KLHL1: variants seen among roughly 807,000 people sequenced by gnomAD.
KLHL1 encodes kelch like family member 1, also known as kelch-like protein 1.
Under a neutral mutation model 77.7 loss-of-function variants are expected in KLHL1, and 47 were observed. The observed-to-expected ratio is 0.60, with a 90% CI of 0.48 to 0.77. KLHL1 has a LOEUF of 0.77. KLHL1 is among the 30% of genes least tolerant of loss of function. KLHL1 has a pLI of 0.00. For synonymous variants in KLHL1, 360 were observed against 325.2 expected (o/e 1.11, Z -1.15); for missense variants, 925 against 910.8 (o/e 1.02, Z -0.20).
chr13:70,018,255 C>G (rs1426373616), intron 1 of KLHL1, among the ~76,000 whole-genome samples: 1 of 152,008 alleles, frequency 6.6e-6, no homozygotes, highest in Admixed American at 6.6e-5. Flanking sequence ...TTATTACTAT[C>G]CTAAAGTTAT....
At chr13:69,741,502 T>C (rs1358940277) in intron 7 of KLHL1, among the ~76,000 whole-genome samples, 1 of 152,134 alleles carries the variant, frequency 6.6e-6, no homozygotes, top group African/African-American at 2.4e-5. Flanking sequence ...AAATACAGTT[T>C]ATTACTCATA....
At chr13:70,078,189 C>A (rs73214640) in intron 1 of KLHL1, among the ~76,000 whole-genome samples, 29,434 of 145,536 alleles carry the variant, frequency 0.2, 3,644 homozygotes, top group South Asian at 0.4. Flanking sequence ...TTAACTCAAT[C>A]AAAAAAAAAA....
At chr13:69,852,838 A>T (rs1339041695) in intron 5 of KLHL1, among the ~76,000 whole-genome samples, 3 of 152,006 alleles carry the variant, frequency 2.0e-5, no homozygotes, top group Non-Finnish European at 4.4e-5. Flanking sequence ...AGTTGTTCAA[A>T]CATCTTTACT....
intron 1 of KLHL1, among the ~76,000 whole-genome samples, chr13:70,081,190 G>A (rs754773664): frequency 5.9e-5 from 9 of 152,092 alleles, no homozygotes; most frequent in Non-Finnish European, 5.9e-5. Context: ...CCATGTCTTG[G>A]GAACTGCTTC....
At chr13:69,796,245 T>G (rs550530447) in intron 7 of KLHL1, among the ~76,000 whole-genome samples, 1 of 152,298 alleles carries the variant, frequency 6.6e-6, no homozygotes, top group East Asian at 1.9e-4. Flanking sequence ...AAGATAATGA[T>G]AATTGATGAC....
chr13:69,956,155 T>C (rs1050903799), intron 3 of KLHL1, among the ~76,000 whole-genome samples: 1 of 140,352 alleles, frequency 7.1e-6, no homozygotes, highest in African/African-American at 2.7e-5. Context: ...TATTTATATA[T>C]ATTTGATATA....
chr13:70,059,630 C>A (rs2137403048), intron 1 of KLHL1, among the ~76,000 whole-genome samples: 1 of 152,226 alleles, frequency 6.6e-6, no homozygotes, highest in South Asian at 2.1e-4. Context: ...TGCAAATTAT[C>A]CATATTAGTC....
chr13:69,740,623 T>G, intron 7 of KLHL1, 67 bp from the exon 8 acceptor site: 1 of 1,217,196 alleles, frequency 8.2e-7, no homozygotes, highest in Non-Finnish European at 1.1e-6. Context: ...AAAAATCTGT[T>G]AAGTGGGTAG....
chr13:70,019,480 G>C (rs574704172), intron 1 of KLHL1, among the ~76,000 whole-genome samples: 66 of 151,924 alleles, frequency 4.3e-4, no homozygotes, highest in African/African-American at 1.6e-3. Flanking sequence ...ATAGTGAGGG[G>C]CTAGTGGGAG....
chr13:70,003,869 AAG>A (rs1022879563), intron 1 of KLHL1, among the ~76,000 whole-genome samples: 1 of 151,754 alleles, frequency 6.6e-6, no homozygotes, highest in Non-Finnish European at 1.5e-5. Context: ...TAAACAAAGG[AAG>A]AGATGATGAA....
intron 7 of KLHL1, among the ~76,000 whole-genome samples, chr13:69,793,418 T>C (rs1322270244): frequency 6.6e-6 from 1 of 152,032 alleles, no homozygotes; most frequent in Non-Finnish European, 1.5e-5. Flanking sequence ...ATGATCATTT[T>C]TCGATAGCTG....
chr13:69,851,712 G>C (rs1010558579), intron 5 of KLHL1, among the ~76,000 whole-genome samples: 1 of 151,512 alleles, frequency 6.6e-6, no homozygotes, highest in African/African-American at 2.4e-5. Context: ...CTATGTCCCT[G>C]TTCTCTATTA....
At chr13:69,980,388 A>G (rs953893688) in intron 1 of KLHL1, among the ~76,000 whole-genome samples, 2 of 152,158 alleles carry the variant, frequency 1.3e-5, no homozygotes, top group Non-Finnish European at 2.9e-5. Flanking sequence ...TCAGTCTTCA[A>G]TGGCTTCTTG....
chr13:70,004,775 T>C (rs756179917), intron 1 of KLHL1, among the ~76,000 whole-genome samples: 2 of 151,838 alleles, frequency 1.3e-5, no homozygotes, highest in Non-Finnish European at 2.9e-5. Context: ...TTGAATGTCA[T>C]TCTGGGGTTA....
At position 70,091,611 on chromosome 13, in the gene KLHL1, C is replaced by T. The variant is rs115358148; in HGVS notation, c.497+15592G>A. 1.7e-3 allele frequency among the ~76,000 whole-genome samples: 258 copies of T among 152,248 alleles called. 1 individual carries two copies. Among genetic ancestry groups the T allele is most frequent in the African/African-American group, 6.0e-3 (250 of 41,556 alleles). ...ACTAATTTAATCATTCCCTGGCCTTCTTCTACCTTTCCTTCAAATCCTAAT... is the reference window on the plus strand; with the variant it reads ...ACTAATTTAATCATTCCCTGGCCTTTTTCTACCTTTCCTTCAAATCCTAAT... On this transcript the variant is annotated intron_variant, in intron 1 of 10. Coordinates refer to ENST00000377844, the MANE Select transcript of KLHL1 (RefSeq NM_020866.3).
intron 1 of KLHL1, among the ~76,000 whole-genome samples, chr13:70,101,318 C>G (rs1887915270): frequency 6.6e-6 from 1 of 151,910 alleles, no homozygotes; most frequent in Non-Finnish European, 1.5e-5. Context: ...CCTATTGCAT[C>G]TTGTATTTAT....
At chr13:69,739,553 A>C (rs1201823916) in intron 8 of KLHL1, among the ~76,000 whole-genome samples, 1 of 152,172 alleles carries the variant, frequency 6.6e-6, no homozygotes, top group Admixed American at 6.5e-5. Context: ...GATGGAGGAA[A>C]ATTTATTGAG....
intron 9 of KLHL1, among the ~76,000 whole-genome samples, chr13:69,709,833 G>A (rs1875797271): frequency 6.6e-6 from 1 of 151,724 alleles, no homozygotes; most frequent in Non-Finnish European, 1.5e-5. Flanking sequence ...ATGATTATAG[G>A]GGAGTTAATT....
intron 9 of KLHL1, among the ~76,000 whole-genome samples, chr13:69,713,349 G>A (rs745867041): frequency 6.6e-5 from 10 of 152,114 alleles, no homozygotes; most frequent in South Asian, 2.1e-4. Flanking sequence ...GGTATTAGCC[G>A]TCATTTCTTT....
Sources: gnomAD v4.1 joint callset for allele counts (sites outside exome capture counted in the v4.1 genomes callset) on GRCh38, gnomAD v4.1.1 for gene constraint, MANE v1.5 for transcripts, NCBI Gene and HGNC (gene_info 2026-07-23, HGNC 2026-07-21) for gene names.